The following ELAVL3 variants were observed in gnomAD, a reference collection of about 807,000 sequenced individuals.
ELAVL3 encodes the protein ELAV-like protein 3.
A neutral mutation model predicts 34.2 loss-of-function variants in ELAVL3; 8 were observed. The observed-to-expected ratio is 0.23, with a 90% CI of 0.14 to 0.42. The LOEUF (loss-of-function observed/expected upper bound fraction) is 0.42, where lower values mean the gene tolerates loss of function less well. Ranked by LOEUF, ELAVL3 falls within the 10% of genes least tolerant of loss-of-function variation. The pLI, the probability that ELAVL3 is intolerant of heterozygous loss-of-function variation, is 1.00. For synonymous variants in ELAVL3, 209 were observed against 222.1 expected, an observed-to-expected ratio of 0.94 and a Z score of 0.53; for missense variants, 273 against 518.8, an observed-to-expected ratio of 0.53 and a Z score of 4.60.
At chr19:11,468,338 C>G (rs541000751) in intron 1 of ELAVL3, among the ~76,000 whole-genome samples, 1 of 151,666 alleles carries the variant, frequency 6.6e-6, no homozygotes, top group Non-Finnish European at 1.5e-5. Flanking sequence ...ATTTTTTCAT[C>G]TTCAGTCTAT....
At chr19:11,463,576 C>T (rs1029395564) in intron 3 of ELAVL3, among the ~76,000 whole-genome samples, 7 of 152,126 alleles carry the variant, frequency 4.6e-5, no homozygotes, top group Non-Finnish European at 1.0e-4. Flanking sequence ...CACACAACAT[C>T]GCGGTGACAC....
At chr19:11,457,906 T>C (rs975173936) in intron 5 of ELAVL3, among the ~76,000 whole-genome samples, 155 bp downstream of exon 5, 3 of 152,182 alleles carry the variant, frequency 2.0e-5, no homozygotes, top group Admixed American at 6.5e-5. Flanking sequence ...CTGCTGTATA[T>C]GAGTGGCTGG....
At chr19:11,463,022 C>T (rs1371494769) in intron 3 of ELAVL3, among the ~76,000 whole-genome samples, 2 of 151,082 alleles carry the variant, frequency 1.3e-5, no homozygotes, top group Non-Finnish European at 1.5e-5. Flanking sequence ...GTTTTCTCTT[C>T]TTTTTTTCTC....
intron 3 of ELAVL3, among the ~76,000 whole-genome samples, chr19:11,465,292 CCACACA>C (rs1232612468): frequency 1.6e-5 from 2 of 121,348 alleles, no homozygotes; most frequent in East Asian, 2.2e-4. Context: ...CACACACACA[CCACACA>C]CACACACACC....
At chr19:11,459,277 C>A (rs1235947869) in intron 3 of ELAVL3, among the ~76,000 whole-genome samples, 1 of 152,140 alleles carries the variant, frequency 6.6e-6, no homozygotes, top group East Asian at 1.9e-4. Flanking sequence ...CGCCCACCAC[C>A]ACGCCTAGCT....
intron 3 of ELAVL3, among the ~76,000 whole-genome samples, chr19:11,465,226 CAT>C (rs1256236181): frequency 7.5e-6 from 1 of 133,130 alleles, no homozygotes; most frequent in Non-Finnish European, 1.6e-5. Flanking sequence ...ACACCACACA[CAT>C]ACACACCGCA....
intron 1 of ELAVL3, among the ~76,000 whole-genome samples, chr19:11,474,974 A>G (rs1244252021): frequency 4.6e-5 from 7 of 151,942 alleles, no homozygotes; most frequent in Non-Finnish European, 7.4e-5. Flanking sequence ...GACTACAGGC[A>G]CCCACCACCA....
At position 11,480,034 on chromosome 19, in the gene ELAVL3, A is replaced by G. The variant is rs1486825115; in HGVS notation, c.9+566T>C. On this transcript the variant is annotated intron_variant, in intron 1 of 6. Coordinates refer to ENST00000359227, the MANE Select transcript of ELAVL3 (RefSeq NM_001420.4). This position sits in a 1 kb window ranked among gnomAD's most constrained non-coding sequence, Gnocchi z 6.8. ...CCGAGAAACAAAGGGACGCGGCAGC[A>G]GCGGCGGCGGGCCCGCGGGGCCTCC... Among the ~76,000 whole-genome samples, 1 of 150,814 alleles carries G rather than the reference A, an allele frequency of 6.6e-6. No homozygotes were observed. The highest frequency in any genetic ancestry group is 1.5e-5 in the Non-Finnish European group (1 of 67,622).
At chr19:11,467,180 T>C (rs1971071431) in intron 1 of ELAVL3, among the ~76,000 whole-genome samples, 1 of 152,056 alleles carries the variant, frequency 6.6e-6, no homozygotes, top group Non-Finnish European at 1.5e-5. Flanking sequence ...CTCAGCACTT[T>C]GGGAAGCTGA....
chr19:11,460,731 C>A (rs1233197315), intron 3 of ELAVL3, among the ~76,000 whole-genome samples: 1 of 152,108 alleles, frequency 6.6e-6, no homozygotes, highest in Non-Finnish European at 1.5e-5. Flanking sequence ...GTCCTCCCCC[C>A]ACCACCCCTA....
Position 11,454,115 on chromosome 19 carries a change from T to C in ELAVL3, c.*411A>G. The C allele has an allele frequency of 5.9e-6, 1 of 169,212 alleles. No individual in the cohort carries two copies. Among genetic ancestry groups the C allele is most frequent in the Non-Finnish European group, 1.3e-5 (1 of 78,210 alleles). 10.5% of individuals were successfully genotyped at this position (169,212 alleles called of 1,614,324 possible). ...CCTACCCCAGGCCCCACCTAGGTGC[T>C]GGGGAGGCCTGGGCAAGGGGGTCTG... On this transcript the variant is annotated 3_prime_UTR_variant, in exon 7 of 7. Coordinates refer to ENST00000359227, the MANE Select transcript of ELAVL3 (RefSeq NM_001420.4). This position sits in a 1 kb window ranked among gnomAD's most constrained non-coding sequence, Gnocchi z 9.2.
At chr19:11,455,002 C>T in intron 6 of ELAVL3, 125 bp from the exon 7 acceptor site, 2 of 1,127,304 alleles carry the variant, frequency 1.8e-6, no homozygotes, top group Non-Finnish European at 2.5e-6. Flanking sequence ...CCCTGCAATG[C>T]AATTTTTTTT....
In ELAVL3 at chr19:11,480,514, C is replaced by A. The variant is rs541611129; in HGVS notation, c.9+86G>T. Reference sequence around the variant, plus strand: ...GCCTAGCTAGGCCTGGTCCTACCCCCCCCGCCGCACCCGCCCAATCTCCGC... The same window carrying A: ...GCCTAGCTAGGCCTGGTCCTACCCCACCCGCCGCACCCGCCCAATCTCCGC... On this transcript the variant is annotated intron_variant, in intron 1 of 6. Transcript: ENST00000359227. The surrounding 1 kb of genome is among the most constrained non-coding windows in gnomAD (Gnocchi z 6.8). The A allele has an allele frequency of 2.8e-6, 4 of 1,410,088 alleles. No individual in the cohort carries two copies. The East Asian group carries it at 8.5e-5, about 30-fold the overall frequency. The allele number at this position is 1,410,088 out of a possible 1,614,324, so 87.3% of individuals were successfully genotyped here.
chr19:11,456,746 C>A (rs1215907408), intron 6 of ELAVL3, among the ~76,000 whole-genome samples: 1 of 152,112 alleles, frequency 6.6e-6, no homozygotes, highest in Non-Finnish European at 1.5e-5. Context: ...TCACTGCAGC[C>A]TCCAACTCCT....
intron 1 of ELAVL3, among the ~76,000 whole-genome samples, chr19:11,468,477 C>T (rs534524355): frequency 3.3e-5 from 5 of 151,146 alleles, no homozygotes; most frequent in South Asian, 4.2e-4. Flanking sequence ...TGCAATGGCA[C>T]GATCTTGGCT....
chr19:11,470,167 C>T (rs990291380), intron 1 of ELAVL3, among the ~76,000 whole-genome samples: 1 of 151,878 alleles, frequency 6.6e-6, no homozygotes, highest in Non-Finnish European at 1.5e-5. Context: ...CTAGCCTGGC[C>T]AATATGGTGA....
chr19:11,456,072 G>A (rs1344888333), intron 6 of ELAVL3, among the ~76,000 whole-genome samples: 5 of 151,986 alleles, frequency 3.3e-5, no homozygotes, highest in African/African-American at 7.3e-5. Context: ...ATGGGACTGG[G>A]GGGTCTCTGC....
intron 1 of ELAVL3, among the ~76,000 whole-genome samples, chr19:11,475,158 C>T (rs1971240101): frequency 6.6e-6 from 1 of 152,186 alleles, no homozygotes; most frequent in Middle Eastern, 3.2e-3. Context: ...TTCCACTACA[C>T]TGAGCATCTA....
Position 11,452,194 on chromosome 19 carries a change from C to T in ELAVL3, c.*2332G>A, listed in dbSNP as rs1322101931. 2.6e-5 allele frequency: 4 copies of T among 152,250 alleles called. No homozygotes were observed. Among genetic ancestry groups the T allele is most frequent in the African/African-American group, 4.8e-5 (2 of 41,464 alleles). 9.4% of individuals were successfully genotyped at this position (152,250 alleles called of 1,614,324 possible). On this transcript the variant is annotated 3_prime_UTR_variant, in exon 7 of 7. Coordinates refer to ENST00000359227, the MANE Select transcript of ELAVL3 (RefSeq NM_001420.4). ...AGAGCACACGCCCCCGCGTGCCACT[C>T]GGCTACCATTACTGTTATTAATAAT...
Sources: gnomAD v4.1 joint callset for allele counts (sites outside exome capture counted in the v4.1 genomes callset) on GRCh38, gnomAD v4.1.1 for gene constraint, Gnocchi (gnomAD v3.1) non-coding constraint, MANE v1.5 for transcripts, NCBI Gene and HGNC (gene_info 2026-07-23, HGNC 2026-07-21) for gene names.